The following PIAS2 variants were observed in gnomAD, a reference collection of about 807,000 sequenced individuals.
PIAS2 encodes protein inhibitor of activated STAT 2, also known as E3 SUMO-protein ligase PIAS2.
PIAS2 carries 19 observed loss-of-function variants against 69.7 expected under a neutral mutation model. That is an observed-to-expected ratio of 0.27 (90% CI 0.19 to 0.40). The LOEUF is 0.40. Ranked by LOEUF, PIAS2 falls within the 10% of genes least tolerant of loss-of-function variation. The probability of loss-of-function intolerance (pLI) is 1.00; values close to 1 mark genes in which losing one functional copy is unlikely to be tolerated. For missense variants in PIAS2, 624 were observed against 757.0 expected (o/e 0.82, Z 2.06); for synonymous variants, 261 against 263.2 (o/e 0.99, Z 0.08).
intron 2 of PIAS2, among the ~76,000 whole-genome samples, chr18:46,875,992 T>C (rs1271583785): frequency 6.6e-6 from 1 of 152,206 alleles, no homozygotes; most frequent in Non-Finnish European, 1.5e-5. Context: ...CTCATGTCTC[T>C]CACAACAAGG....
At chr18:46,895,763 A>G (rs1420710312) in intron 1 of PIAS2, among the ~76,000 whole-genome samples, 1 of 152,170 alleles carries the variant, frequency 6.6e-6, no homozygotes, top group Non-Finnish European at 1.5e-5. Flanking sequence ...AGAGTGACCA[A>G]GCTAATGCCA....
chr18:46,881,826 C>T (rs573619796), intron 2 of PIAS2, among the ~76,000 whole-genome samples: 7 of 152,360 alleles, frequency 4.6e-5, no homozygotes, highest in Admixed American at 4.6e-4. Flanking sequence ...ACACCGGGCA[C>T]GGTGGCTCAC....
At chr18:46,857,757 A>G (rs755234410) in intron 3 of PIAS2, among the ~76,000 whole-genome samples, 4 of 152,258 alleles carry the variant, frequency 2.6e-5, no homozygotes, top group Non-Finnish European at 4.4e-5. Context: ...TATCTTCACA[A>G]ACATTATGAG....
At position 46,891,046 on chromosome 18, in the gene PIAS2, A is replaced by G; in HGVS notation, c.33T>C (p.Val11=). The change falls in exon 2 of 14, where the codon GTT becomes GTC. Residue 11 remains valine (V), a synonymous_variant. Coordinates refer to ENST00000585916, the MANE Select transcript of PIAS2 (RefSeq NM_004671.5). Reference sequence around the variant, plus strand: ...GTAGTTCAGAAACCCTAAAACTAGAAACCATATTCTAAAAGGAAAGAAAAA... The same window carrying G: ...GTAGTTCAGAAACCCTAAAACTAGAGACCATATTCTAAAAGGAAAGAAAAA... The part of the protein sequence containing the change: MADFEELRNM[V]SSFRVSELQV... 1 of 1,574,776 alleles carries G rather than the reference A, an allele frequency of 6.4e-7. No individual in the cohort carries two copies. The highest frequency in any genetic ancestry group is 1.9e-5 in the Admixed American group (1 of 51,570).
chr18:46,890,644 A>G lies in PIAS2; in HGVS notation c.435T>C (p.Asp145=), dbSNP rs1279782730. The G allele has an allele frequency of 7.4e-6, 12 of 1,614,220 alleles. No homozygotes were observed. Among genetic ancestry groups the G allele is most frequent in the East Asian group, 2.2e-5 (1 of 44,888 alleles). ...AAAAGGGCAGATTTTTTAACTGCAC[A>G]TCAGGATGGACAGGAGGAATTGGGG... The part of the protein sequence containing the change: ...PSPPIPPVHP[D]VQLKNLPFYD... The change falls in exon 2 of 14, where the codon GAT becomes GAC. Residue 145 remains aspartate, a synonymous_variant. Coordinates refer to ENST00000585916, the MANE Select transcript of PIAS2 (RefSeq NM_004671.5).
intron 11 of PIAS2, among the ~76,000 whole-genome samples, chr18:46,822,488 A>G (rs1453851579): frequency 6.6e-6 from 1 of 152,198 alleles, no homozygotes; most frequent in Non-Finnish European, 1.5e-5. Context: ...TAGAATCTGG[A>G]GATTTCTTGG....
chr18:46,873,710 A>G (rs1260096787), intron 2 of PIAS2, among the ~76,000 whole-genome samples: 4 of 151,966 alleles, frequency 2.6e-5, no homozygotes, highest in Non-Finnish European at 5.9e-5. Flanking sequence ...CAAAGAATTA[A>G]TCACCCAGGT....
intron 1 of PIAS2, among the ~76,000 whole-genome samples, chr18:46,910,551 T>C (rs1200171375): frequency 6.6e-6 from 1 of 151,994 alleles, no homozygotes; most frequent in East Asian, 1.9e-4. Flanking sequence ...TCCCCATAAA[T>C]CAAGGACAGG....
intron 2 of PIAS2, among the ~76,000 whole-genome samples, chr18:46,886,119 C>A (rs533453914): frequency 6.6e-6 from 1 of 152,176 alleles, no homozygotes; most frequent in African/African-American, 2.4e-5. Context: ...CTTAGTCCCC[C>A]CCAGTCTTCT....
rs895435375 is a variant in PIAS2, at chr18:46,808,341, T to C, written c.*4092A>G. ...GTCTAAATTTTCCACAATAAGCATGTACTACTGACATAAACAGAAAAAACA... is the reference window on the plus strand; with the variant it reads ...GTCTAAATTTTCCACAATAAGCATGCACTACTGACATAAACAGAAAAAACA... On this transcript the variant is annotated 3_prime_UTR_variant, in exon 14 of 14. Coordinates refer to ENST00000585916, the MANE Select transcript of PIAS2 (RefSeq NM_004671.5). The C allele has an allele frequency of 1.3e-5, 2 of 152,222 alleles. No individual in the cohort carries two copies. The highest frequency in any genetic ancestry group is 2.9e-5 in the Non-Finnish European group (2 of 68,030). The allele number at this position is 152,222 out of a possible 1,614,324, so 9.4% of individuals were successfully genotyped here. A position where few individuals can be genotyped will look rare whatever the true frequency, so the allele number is the denominator to read the frequency against.
chr18:46,880,120 G>A (rs915663397), intron 2 of PIAS2, among the ~76,000 whole-genome samples: 1 of 151,944 alleles, frequency 6.6e-6, no homozygotes, highest in Non-Finnish European at 1.5e-5. Context: ...TTGGGGATGG[G>A]GACAGTGGTT....
Position 46,844,726 on chromosome 18 carries a change from T to C in PIAS2, c.967+8A>G. ...TTTAAATGCTTGGTCTTATTAAACA[T>C]TACTTACTTAGTGCTCTGGAATGAT... On this transcript the variant is annotated splice_region_variant and intron_variant, in intron 7 of 13. Transcript: ENST00000585916. 1 of 1,111,818 alleles carries C rather than the reference T, an allele frequency of 9.0e-7. No homozygotes were observed. Among genetic ancestry groups the C allele is most frequent in the South Asian group, 2.1e-5 (1 of 48,242 alleles). 68.9% of individuals were successfully genotyped at this position (1,111,818 alleles called of 1,614,324 possible).
intron 9 of PIAS2, among the ~76,000 whole-genome samples, chr18:46,834,643 C>A (rs1374838964): frequency 1.3e-5 from 2 of 152,062 alleles, no homozygotes; most frequent in African/African-American, 4.8e-5. Flanking sequence ...GAAACAGAGT[C>A]TTTCTCCATC....
At position 46,811,115 on chromosome 18, in the gene PIAS2, A is replaced by T. The variant is rs2040972578; in HGVS notation, c.*1318T>A. On this transcript the variant is annotated 3_prime_UTR_variant, in exon 14 of 14. Transcript: ENST00000585916. ...TTCAAAGTGCACCCAATAAAACCTCAGAGGTTCCCTGGAGTGTTTGGGGTA... is the reference window on the plus strand; with the variant it reads ...TTCAAAGTGCACCCAATAAAACCTCTGAGGTTCCCTGGAGTGTTTGGGGTA... 1 of 152,178 alleles carries T rather than the reference A, an allele frequency of 6.6e-6. No individual in the cohort carries two copies. Among genetic ancestry groups the T allele is most frequent in the South Asian group, 2.1e-4 (1 of 4,828 alleles). The allele number at this position is 152,178 out of a possible 1,614,324, so 9.4% of individuals were successfully genotyped here.
At chr18:46,814,431 A>G (rs1204053550) in intron 13 of PIAS2, among the ~76,000 whole-genome samples, 7 of 152,146 alleles carry the variant, frequency 4.6e-5, no homozygotes, top group African/African-American at 1.7e-4. Flanking sequence ...ATACATAGAC[A>G]CTTTCACTAG....
intron 9 of PIAS2, among the ~76,000 whole-genome samples, chr18:46,834,241 C>G (rs72907146): frequency 0.011 from 1,680 of 151,970 alleles, 17 homozygotes; most frequent in Non-Finnish European, 0.017. Flanking sequence ...TAAACACTTT[C>G]AAGGAAGACA....
chr18:46,904,317 A>C (rs1034479566), intron 1 of PIAS2: 8 of 152,238 alleles, frequency 5.3e-5, no homozygotes, highest in African/African-American at 1.9e-4. Context: ...ACAAGGAGTA[A>C]GACTATCAGA....
At chr18:46,834,145 C>CG in intron 9 of PIAS2, among the ~76,000 whole-genome samples, 1 of 151,986 alleles carries the variant, frequency 6.6e-6, no homozygotes. Flanking sequence ...CAATGTATGA[C>CG]GGAACAACTG....
At chr18:46,900,165 G>A (rs2055577537) in intron 1 of PIAS2, among the ~76,000 whole-genome samples, 1 of 152,130 alleles carries the variant, frequency 6.6e-6, no homozygotes, top group Non-Finnish European at 1.5e-5. Context: ...AGGAGTTCAT[G>A]ACCAGCCTGG....
Sources: gnomAD v4.1 joint callset for allele counts (sites outside exome capture counted in the v4.1 genomes callset) on GRCh38, gnomAD v4.1.1 for gene constraint, MANE v1.5 for transcripts, NCBI Gene and HGNC (gene_info 2026-07-23, HGNC 2026-07-21) for gene names.